Variants in PSAP observed in about 807,000 individuals in gnomAD.
PSAP encodes prosaposin.
Under a neutral mutation model 66.0 loss-of-function variants are expected in PSAP, and 25 were observed. The ratio of observed to expected loss-of-function variants is 0.38; its 90% CI spans 0.28 to 0.53. The LOEUF (loss-of-function observed/expected upper bound fraction) is 0.53, where lower values mean the gene tolerates loss of function less well. Ranked by LOEUF, PSAP falls within the 20% of genes least tolerant of loss-of-function variation. PSAP has a pLI of 0.83. For missense variants in PSAP, 649 were observed against 668.8 expected (o/e 0.97, Z 0.33); for synonymous variants, 273 against 258.9 (o/e 1.05, Z -0.52).
At chr10:71,829,939 G>C (rs1019315477) in intron 4 of PSAP, among the ~76,000 whole-genome samples, 2 of 152,108 alleles carry the variant, frequency 1.3e-5, no homozygotes, top group African/African-American at 4.8e-5. Context: ...CAGAGGTGCT[G>C]TCAGTCAAGA....
rs374177795 is a variant in PSAP, at chr10:71,829,046, T to C, written c.407A>G (p.Asn136Ser). The C allele has an allele frequency of 6.2e-6, 10 of 1,613,890 alleles. No individual in the cohort carries two copies. In the African/African-American group the frequency reaches 1.3e-4, roughly 22 times the overall value. ...SRPGEVCSAL[N>S]LCESLQKHLA... ...GTGCTTCTGGAGAGACTCGCAGAGG[T>C]TGAGAGCAGAGCACACCTCCCCAGG... Residue 136 changes from asparagine (N) to serine (S), a missense_variant, in exon 5 of 14, where the codon AAC becomes AGC. Transcript: ENST00000394936.
Position 71,819,596 on chromosome 10 carries a change from C to T in PSAP, c.1219G>A (p.Gly407Ser), listed in dbSNP as rs753089339. The T allele has an allele frequency of 1.1e-5, 17 of 1,614,202 alleles. No homozygotes were observed. Among genetic ancestry groups the T allele is most frequent in the Non-Finnish European group, 1.3e-5 (15 of 1,180,046 alleles). ...AGCTTCTTGCACACTTCGCAGAAGC[C>T]ACCGTCCTTTGGCTGAGTCACGTGA... ...TVHVTQPKDGGFCEVCKKLVG... is the reference protein window; with the variant it reads ...TVHVTQPKDGSFCEVCKKLVG... The change falls in exon 11 of 14, where the codon GGC (glycine) becomes AGC (serine). Residue 407 changes from glycine (G) to serine (S), a missense_variant. Transcript: ENST00000394936.
At chr10:71,825,007 G>A (rs1382092375) in intron 7 of PSAP, among the ~76,000 whole-genome samples, 2 of 152,144 alleles carry the variant, frequency 1.3e-5, no homozygotes, top group Non-Finnish European at 2.9e-5. Context: ...AGGTCAGAGA[G>A]TCAATCTTTC....
At chr10:71,830,243 T>C (rs1456558673) in intron 4 of PSAP, among the ~76,000 whole-genome samples, 2 of 152,168 alleles carry the variant, frequency 1.3e-5, no homozygotes, top group East Asian at 3.9e-4. Flanking sequence ...CTTTATCTTC[T>C]CAGAAACCAG....
chr10:71,817,958 A>G (rs1296888775), intron 13 of PSAP, among the ~76,000 whole-genome samples: 4 of 152,180 alleles, frequency 2.6e-5, no homozygotes, highest in Admixed American at 2.6e-4. Context: ...AGAGCTGGAC[A>G]TGGCCAGAAT....
chr10:71,826,240 T>TA (rs1356079590), intron 6 of PSAP, among the ~76,000 whole-genome samples: 1 of 152,226 alleles, frequency 6.6e-6, no homozygotes, highest in Admixed American at 6.5e-5. Flanking sequence ...AGCTAGGAGA[T>TA]ACACTGCTTA....
At chr10:71,831,588 C>T (rs1842518803) in intron 3 of PSAP, among the ~76,000 whole-genome samples, 1 of 152,144 alleles carries the variant, frequency 6.6e-6, no homozygotes. Context: ...CAAAGTAGGC[C>T]CTTCAGCTTA....
chr10:71,830,142 A>G (rs1842483557), intron 4 of PSAP, among the ~76,000 whole-genome samples: 1 of 152,184 alleles, frequency 6.6e-6, no homozygotes, highest in African/African-American at 2.4e-5. Flanking sequence ...CAAGTGTTTA[A>G]CTTCTGTAAT....
intron 1 of PSAP, among the ~76,000 whole-genome samples, chr10:71,848,636 G>C (rs992737759): frequency 8.5e-5 from 13 of 152,182 alleles, no homozygotes; most frequent in African/African-American, 2.4e-5. Context: ...AGCCCATCCC[G>C]ATTCAGGGTG....
chr10:71,819,795 T>C lies in PSAP; in HGVS notation c.1111A>G (p.Ile371Val). 2 of 1,613,944 alleles carry C rather than the reference T, an allele frequency of 1.2e-6. No individual in the cohort carries two copies. The highest frequency in any genetic ancestry group is 1.7e-6 in the Non-Finnish European group (2 of 1,179,974). ...VDTYGSSILS[I>V]LLEEVSPELV... ...TCAGGGCTGACCTCCTCCAGCAGGATGGACAGGATGGAGCTGCCGTACGTG... is the reference window on the plus strand; with the variant it reads ...TCAGGGCTGACCTCCTCCAGCAGGACGGACAGGATGGAGCTGCCGTACGTG... Residue 371 changes from isoleucine to valine, a missense_variant, in exon 10 of 14, where the codon ATC (isoleucine) becomes GTC (valine). Coordinates refer to ENST00000394936, the MANE Select transcript of PSAP (RefSeq NM_002778.4).
In PSAP at chr10:71,851,171, C is replaced by G; in HGVS notation, c.40+11G>C. Reference sequence around the variant, plus strand: ...GCACCTCCTCCCCAGGATGAGGGTCCCAGGGCTTACCCGCGCCCAGGAGGC... The same window carrying G: ...GCACCTCCTCCCCAGGATGAGGGTCGCAGGGCTTACCCGCGCCCAGGAGGC... On this transcript the variant is annotated intron_variant, in intron 1 of 13. Transcript: ENST00000394936. 6.4e-7 allele frequency: 1 copy of G among 1,550,974 alleles called. No individual in the cohort carries two copies. Among genetic ancestry groups the G allele is most frequent in the Non-Finnish European group, 8.7e-7 (1 of 1,146,812 alleles).
intron 2 of PSAP, among the ~76,000 whole-genome samples, chr10:71,833,928 G>A (rs1347481914): frequency 6.6e-6 from 1 of 152,240 alleles, no homozygotes; most frequent in Non-Finnish European, 1.5e-5. Context: ...TATGAAACAG[G>A]CAGAAAGTAC....
chr10:71,847,177 G>A (rs1589461435), intron 1 of PSAP, among the ~76,000 whole-genome samples: 3 of 151,962 alleles, frequency 2.0e-5, no homozygotes, highest in South Asian at 4.2e-4. Flanking sequence ...TGTCAGGGCC[G>A]GGTGCGGTGG....
chr10:71,851,200 C>T lies in PSAP; in HGVS notation c.22G>A (p.Ala8Thr). ...GGCTTACCCGCGCCCAGGAGGCTGG[C>T]CAGGAGGAAGAGGGCGTACATAGCG... The part of the protein sequence containing the change: MYALFLL[A>T]SLLGAALAGP... Residue 8 changes from alanine to threonine, a missense_variant, in exon 1 of 14, where the codon GCC becomes ACC. Coordinates refer to ENST00000394936, the MANE Select transcript of PSAP (RefSeq NM_002778.4). 6.4e-7 allele frequency: 1 copy of T among 1,551,126 alleles called. No individual in the cohort carries two copies. The highest frequency in any genetic ancestry group is 8.7e-7 in the Non-Finnish European group (1 of 1,146,840).
In PSAP at chr10:71,818,728, T is replaced by C. The variant is rs775086571; in HGVS notation, c.1432-4A>G. 4.4e-5 allele frequency: 71 copies of C among 1,611,028 alleles called. No individual in the cohort carries two copies. Among genetic ancestry groups the C allele is most frequent in the South Asian group, 7.7e-5 (7 of 91,040 alleles). On this transcript the variant is annotated splice_region_variant and splice_polypyrimidine_tract_variant and intron_variant, in intron 12 of 13. Coordinates refer to ENST00000394936, the MANE Select transcript of PSAP (RefSeq NM_002778.4). ...CCGAGGGGCAGGCTCCAATTTTCTA[T>C]ATGGTGAGAAAAGGAAAGAAGAAAG... is the stretch of plus-strand genomic sequence containing the variant.
At chr10:71,828,769 C>A in intron 5 of PSAP, 108 bp downstream of exon 5, 1 of 1,236,020 alleles carries the variant, frequency 8.1e-7, no homozygotes, top group Middle Eastern at 2.7e-4. Context: ...GAGTCACGCA[C>A]AGGGATAAGC....
chr10:71,835,355 G>C (rs1174266616), intron 1 of PSAP, among the ~76,000 whole-genome samples: 1 of 152,156 alleles, frequency 6.6e-6, no homozygotes, highest in Non-Finnish European at 1.5e-5. Flanking sequence ...GGCCGAGGTG[G>C]GGTCAGTTGA....
Position 71,818,623 on chromosome 10 carries a change from C to A in PSAP, c.1533G>T (p.Gln511His). The part of the protein sequence containing the change: ...YWCQNTETAA[Q>H]CNAVEHCKRH... ...TGTCTGCTGAGCTACTCACATTGCACTGGGCTGCTGTCTCTGTGTTCTGGC... is the reference window on the plus strand; with the variant it reads ...TGTCTGCTGAGCTACTCACATTGCAATGGGCTGCTGTCTCTGTGTTCTGGC... The change falls in exon 13 of 14, where the codon CAG (glutamine) becomes CAT (histidine). Residue 511 changes from glutamine to histidine, a missense_variant. Gln to His is a conservative substitution (Grantham distance 24). Transcript: ENST00000394936. The A allele has an allele frequency of 1.2e-6, 2 of 1,613,572 alleles. No homozygotes were observed. The highest frequency in any genetic ancestry group is 1.7e-6 in the Non-Finnish European group (2 of 1,179,930).
chr10:71,820,147 G>T, intron 9 of PSAP, 93 bp downstream of exon 9: 1 of 1,197,574 alleles, frequency 8.4e-7, no homozygotes, highest in South Asian at 1.2e-5. Flanking sequence ...GTCAAGGCTG[G>T]GCCAAGCCCT....
Sources: allele counts gnomAD v4.1 joint callset (sites outside exome capture counted in the v4.1 genomes callset), GRCh38; gene constraint gnomAD v4.1.1; transcripts MANE v1.5; gene names NCBI Gene and HGNC (gene_info 2026-07-23, HGNC 2026-07-21).